PLXNC1: variants seen among roughly 807,000 people sequenced by gnomAD.
PLXNC1 encodes the protein plexin-C1.
Under a neutral mutation model 178.2 loss-of-function variants are expected in PLXNC1, and 75 were observed. That is an observed-to-expected ratio of 0.42 (90% CI 0.35 to 0.51). The LOEUF is 0.51. Ranked by LOEUF, PLXNC1 falls within the 20% of genes least tolerant of loss-of-function variation. PLXNC1 has a pLI of 0.02. For synonymous variants in PLXNC1, 790 were observed against 779.9 expected (o/e 1.01, Z -0.22); for missense variants, 1,503 against 1,984.4 (o/e 0.76, Z 4.61).
chr12:94,236,633 T>G (rs1231601171), intron 9 of PLXNC1, among the ~76,000 whole-genome samples: 3 of 149,838 alleles, frequency 2.0e-5, no homozygotes, highest in Non-Finnish European at 4.4e-5. Context: ...GAGTATATTC[T>G]GCGATGGTAG....
In PLXNC1 at chr12:94,241,273, A is replaced by G. The variant is rs114804210; in HGVS notation, c.2300+609A>G. Among the ~76,000 whole-genome samples the G allele has an allele frequency of 6.6e-3, 1,006 of 152,272 alleles. 5 individuals are homozygous for G. The highest frequency in any genetic ancestry group is 0.023 in the African/African-American group (957 of 41,538). On this transcript the variant is annotated intron_variant, in intron 11 of 30. Transcript: ENST00000258526. Reference sequence around the variant, plus strand: ...TTATGGGACACGTGATGTTTTTTCTATGATCATACAGTGAATATGTAATCA... The same window carrying G: ...TTATGGGACACGTGATGTTTTTTCTGTGATCATACAGTGAATATGTAATCA...
chr12:94,286,434 C>T (rs776910696), intron 23 of PLXNC1, among the ~76,000 whole-genome samples: 27 of 151,976 alleles, frequency 1.8e-4, no homozygotes, highest in Non-Finnish European at 3.1e-4. Context: ...GCAGCGCCTC[C>T]GCAGACTCAA....
intron 7 of PLXNC1, among the ~76,000 whole-genome samples, chr12:94,225,550 T>C (rs1963913767): frequency 6.6e-6 from 1 of 152,098 alleles, no homozygotes; most frequent in Admixed American, 6.5e-5. Flanking sequence ...AAAAAGGGTG[T>C]GAATTAAATA....
intron 23 of PLXNC1, among the ~76,000 whole-genome samples, chr12:94,282,997 G>C (rs377578327): frequency 8.5e-5 from 13 of 152,302 alleles, no homozygotes; most frequent in African/African-American, 3.1e-4. Context: ...AGGCAGTGAA[G>C]GTTCCTGAAC....
intron 1 of PLXNC1, among the ~76,000 whole-genome samples, chr12:94,163,368 T>G (rs1367649276): frequency 6.6e-6 from 1 of 151,832 alleles, no homozygotes; most frequent in Admixed American, 6.6e-5. Context: ...AAAATAATAA[T>G]AATAAAAAAA....
intron 2 of PLXNC1, among the ~76,000 whole-genome samples, chr12:94,172,017 C>T (rs1385629724): frequency 7.2e-5 from 11 of 152,168 alleles, no homozygotes; most frequent in Admixed American, 6.5e-4. Flanking sequence ...GACCCAGGAT[C>T]GTGTGGATGA....
intron 20 of PLXNC1, among the ~76,000 whole-genome samples, chr12:94,261,143 A>T (rs1964978785): frequency 7.5e-6 from 1 of 133,568 alleles, no homozygotes; most frequent in African/African-American, 3.0e-5. Flanking sequence ...TGTACTGAGA[A>T]AAGGGAATAT....
intron 30 of PLXNC1, among the ~76,000 whole-genome samples, 159 bp from the exon 31 acceptor site, chr12:94,305,022 C>T (rs1466816171): frequency 6.6e-6 from 1 of 152,186 alleles, no homozygotes; most frequent in African/African-American, 2.4e-5. Flanking sequence ...GTGATAAGGA[C>T]TTAGCAAAAC....
At chr12:94,150,069 G>C in intron 1 of PLXNC1, 36 bp downstream of exon 1, 1 of 1,491,086 alleles carries the variant, frequency 6.7e-7, no homozygotes, top group South Asian at 1.3e-5. Context: ...GGAGAGCGCT[G>C]CTGCCGGGGA....
chr12:94,248,412 G>C lies in PLXNC1; in HGVS notation c.2778G>C (p.Arg926=). Residue 926 remains arginine, a splice_region_variant and synonymous_variant, in exon 14 of 31, where the codon CGG becomes CGC. Coordinates refer to ENST00000258526, the MANE Select transcript of PLXNC1 (RefSeq NM_005761.3). ...TTGCCAACTCTTCTAAGAAAGTTCG[G>C]GTAAGTGACCTGGCAGTCCCACCTG... The part of the protein sequence containing the change: ...STIANSSKKV[R]VKLGNLELYV... The C allele has an allele frequency of 6.3e-7, 1 of 1,595,034 alleles. No individual in the cohort carries two copies. The highest frequency in any genetic ancestry group is 8.5e-7 in the Non-Finnish European group (1 of 1,171,210).
intron 21 of PLXNC1, among the ~76,000 whole-genome samples, chr12:94,271,982 C>T (rs1965598405): frequency 6.6e-6 from 1 of 152,128 alleles, no homozygotes; most frequent in Non-Finnish European, 1.5e-5. Context: ...CAACCTGTGG[C>T]AGACAGTATC....
chr12:94,287,284 A>G (rs1966856687), intron 23 of PLXNC1, among the ~76,000 whole-genome samples: 9 of 152,158 alleles, frequency 5.9e-5, no homozygotes, highest in Admixed American at 5.9e-4. Context: ...CCTTAACTGG[A>G]TGTCATTCTG....
intron 4 of PLXNC1, among the ~76,000 whole-genome samples, chr12:94,197,434 C>CTCTCT (rs1565805265): frequency 2.8e-4 from 3 of 10,538 alleles, no homozygotes; most frequent in South Asian, 6.8e-3. Context: ...ACATTAGGCC[C>CTCTCT]CTTTCTCTCT....
At chr12:94,265,292 T>A in intron 21 of PLXNC1, 67 bp downstream of exon 21, 3 of 1,430,840 alleles carry the variant, frequency 2.1e-6, no homozygotes, top group African/African-American at 1.4e-5. Flanking sequence ...GAGGGTGAGG[T>A]GGGTCATTTA....
intron 23 of PLXNC1, among the ~76,000 whole-genome samples, chr12:94,287,645 T>A (rs1304669086): frequency 6.6e-6 from 1 of 152,196 alleles, no homozygotes; most frequent in Non-Finnish European, 1.5e-5. Context: ...GCAGAAGTGG[T>A]CACTGCTAAC....
chr12:94,259,653 A>G lies in PLXNC1; in HGVS notation c.3170A>G (p.Asp1057Gly), dbSNP rs1404558667. 2 of 1,611,496 alleles carry G rather than the reference A, an allele frequency of 1.2e-6. No individual in the cohort carries two copies. The highest frequency in any genetic ancestry group is 1.7e-6 in the Non-Finnish European group (2 of 1,178,208). Residue 1057 changes from aspartate to glycine, a missense_variant, in exon 19 of 31, where the codon GAT (aspartate) becomes GGT (glycine). Physicochemically the swap from Asp to Gly is moderately conservative, Grantham distance 94 (BLOSUM62 -1). Coordinates refer to ENST00000258526, the MANE Select transcript of PLXNC1 (RefSeq NM_005761.3). ...NDKNESLTAL[D>G]ALICNKSFLV... Reference sequence around the variant, plus strand: ...AAGAATGAAAGTCTCACAGCTTTGGATGCCCTAATCTGTAATAAAAGCTTT... The same window carrying G: ...AAGAATGAAAGTCTCACAGCTTTGGGTGCCCTAATCTGTAATAAAAGCTTT...
At position 94,260,528 on chromosome 12, in the gene PLXNC1, G is replaced by T. The variant is rs75808724; in HGVS notation, c.3252-114G>T. ...AAACATTAAAAAAAAAAAAAAAAAA[G>T]CTCCCAACCCAACAGGCCAGCTCCC... On this transcript the variant is annotated intron_variant, in intron 19 of 30. Transcript: ENST00000258526. The surrounding 1 kb of genome is among the most constrained non-coding windows in gnomAD (Gnocchi z 4.4). 3 of 511,176 alleles carry T rather than the reference G, an allele frequency of 5.9e-6. No homozygotes were observed. Among genetic ancestry groups the T allele is most frequent in the African/African-American group, 2.4e-5 (1 of 41,980 alleles). The allele number at this position is 511,176 out of a possible 1,614,324, so 31.7% of individuals were successfully genotyped here. A position where few individuals can be genotyped will look rare whatever the true frequency, so the allele number is the denominator to read the frequency against.
chr12:94,201,748 C>CTTTTTTTTT (rs10529488), intron 4 of PLXNC1, among the ~76,000 whole-genome samples: 1 of 54,422 alleles, frequency 1.8e-5, no homozygotes, highest in African/African-American at 7.3e-5. Context: ...CTTCCCACTA[C>CTTTTTTTTT]TTTTTTTTTT....
chr12:94,173,891 C>T (rs58053568), intron 2 of PLXNC1, among the ~76,000 whole-genome samples: 14,353 of 152,164 alleles, frequency 0.094, 995 homozygotes, highest in African/African-American at 0.19. Flanking sequence ...CTGAGCTGCG[C>T]GTAGTCCACG....
Sources: gnomAD v4.1 joint callset for allele counts (sites outside exome capture counted in the v4.1 genomes callset) on GRCh38, gnomAD v4.1.1 for gene constraint, Gnocchi (gnomAD v3.1) non-coding constraint, MANE v1.5 for transcripts, NCBI Gene and HGNC (gene_info 2026-07-23, HGNC 2026-07-21) for gene names.